The following RP1 variants were observed in gnomAD, a reference collection of about 807,000 sequenced individuals.
RP1 encodes the protein oxygen-regulated protein 1.
A neutral mutation model predicts 14.8 loss-of-function variants in RP1; 16 were observed. That is an observed-to-expected ratio of 1.08 (90% CI 0.73 to 1.65). The LOEUF is 1.65. RP1 is among the 40% of genes most tolerant of loss of function. The pLI is 0.00. For missense variants in RP1, 2,631 were observed against 2,535.0 expected (o/e 1.04, Z -0.81); for synonymous variants, 876 against 883.6 (o/e 0.99, Z 0.15).
At chr8:54,754,148 T>TG (rs1278567963) in intron 19 of RP1, among the ~76,000 whole-genome samples, 6 of 152,018 alleles carry the variant, frequency 3.9e-5, no homozygotes, top group African/African-American at 1.2e-4. Flanking sequence ...TTCACTGGGT[T>TG]GGGGGGAAGG....
intron 23 of RP1, chr8:54,780,970 T>G (rs1199233404): frequency 2.0e-6 from 2 of 982,994 alleles, no homozygotes; most frequent in Non-Finnish European, 2.4e-6. Flanking sequence ...ACTTCATTGT[T>G]GAGAAGAAAT....
chr8:54,718,114 T>A (rs1035178751), intron 15 of RP1, among the ~76,000 whole-genome samples: 4 of 152,158 alleles, frequency 2.6e-5, no homozygotes, highest in Non-Finnish European at 5.9e-5. Flanking sequence ...TGTTTATATA[T>A]TGGAAGACTC....
At chr8:54,857,571 C>T (rs1812235066) in intron 27 of RP1, among the ~76,000 whole-genome samples, 1 of 151,914 alleles carries the variant, frequency 6.6e-6, no homozygotes, top group African/African-American at 2.4e-5. Flanking sequence ...GAGTTTATTA[C>T]ATGACTTGTA....
chr8:54,845,301 A>C (rs1452275380), intron 25 of RP1, among the ~76,000 whole-genome samples: 1 of 152,166 alleles, frequency 6.6e-6, no homozygotes, highest in African/African-American at 2.4e-5. Context: ...GATGATTCAT[A>C]CCTGATCAGT....
At chr8:54,563,716 A>T (rs1397747594) in intron 1 of RP1, among the ~76,000 whole-genome samples, 1 of 151,704 alleles carries the variant, frequency 6.6e-6, no homozygotes, top group South Asian at 2.1e-4. Flanking sequence ...TGACTAATTT[A>T]TTTTTTATTT....
intron 24 of RP1, among the ~76,000 whole-genome samples, chr8:54,791,597 T>G (rs964192487): frequency 6.6e-6 from 1 of 151,908 alleles, no homozygotes; most frequent in Non-Finnish European, 1.5e-5. Flanking sequence ...TAGGTGTGAG[T>G]TAAAAGTGTC....
chr8:54,855,959 ACACACACACACACC>A (rs1290363623), intron 26 of RP1, among the ~76,000 whole-genome samples: 38 of 122,670 alleles, frequency 3.1e-4, no homozygotes, highest in African/African-American at 8.8e-4. Context: ...ACACACACAC[ACACACACACACACC>A]CCCTATAACC....
chr8:54,577,299 AGCTGCC>A (rs1201887538), intron 1 of RP1, among the ~76,000 whole-genome samples: 26 of 152,316 alleles, frequency 1.7e-4, no homozygotes, highest in African/African-American at 5.5e-4. Context: ...TACAGGCGTG[AGCTGCC>A]GCACCTGGCT....
chr8:54,802,644 C>T (rs987428459), intron 24 of RP1, among the ~76,000 whole-genome samples: 1 of 152,168 alleles, frequency 6.6e-6, no homozygotes, highest in Non-Finnish European at 1.5e-5. Context: ...TGTCGTTCAG[C>T]AAGTATTTCT....
At position 54,812,270 on chromosome 8, in the gene RP1, A is replaced by G. The variant is rs149223402; in HGVS notation, c.3616-25180A>G. On this transcript the variant is annotated intron_variant, in intron 24 of 28. Coordinates refer to the RP1 transcript ENST00000637698. The stretch of plus-strand genomic sequence containing the variant: ...ATTCTTGTGCCTCAGCCTTCCGAGT[A>G]GCTGGCATTACAGGCATACGCCATC... Among the ~76,000 whole-genome samples the G allele has an allele frequency of 3.3e-3, 503 of 152,288 alleles. 2 individuals carry two copies. Among genetic ancestry groups the G allele is most frequent in the African/African-American group, 0.01 (436 of 41,564 alleles).
At position 54,715,261 on chromosome 8, in the gene RP1, T is replaced by G. The variant is rs561554118; in HGVS notation, c.2212-4868T>G. Reference sequence around the variant, plus strand: ...GATATTCTAACCTGGCTATGTCTAGTTGCTGTTTGCTGCAGATGTGTAGGA... The same window carrying G: ...GATATTCTAACCTGGCTATGTCTAGGTGCTGTTTGCTGCAGATGTGTAGGA... On this transcript the variant is annotated intron_variant, in intron 15 of 22. Coordinates refer to the RP1 transcript ENST00000636932. Among the ~76,000 whole-genome samples the G allele has an allele frequency of 3.9e-5, 6 of 152,356 alleles. No homozygotes were observed. The East Asian group carries it at 1.2e-3, about 29-fold the overall frequency.
At chr8:54,748,852 TG>T (rs1355003548) in intron 19 of RP1, among the ~76,000 whole-genome samples, 1 of 152,164 alleles carries the variant, frequency 6.6e-6, no homozygotes, top group Non-Finnish European at 1.5e-5. Flanking sequence ...TATTTTTTTT[TG>T]TTTTATAGAA....
intron 1 of RP1, among the ~76,000 whole-genome samples, chr8:54,577,955 T>TTTTA (rs1554516034): frequency 3.1e-4 from 47 of 151,944 alleles, no homozygotes; most frequent in Admixed American, 5.2e-4. Flanking sequence ...TTCTTTTTTT[T>TTTTA]TTATTATTAT....
intron 22 of RP1, among the ~76,000 whole-genome samples, chr8:54,768,663 G>A (rs1224380104): frequency 6.6e-6 from 1 of 152,176 alleles, no homozygotes; most frequent in Non-Finnish European, 1.5e-5. Context: ...TCACAACACT[G>A]CTATGAGGCA....
At chr8:54,869,783 C>A in intron 28 of RP1, 1 of 619,110 alleles carries the variant, frequency 1.6e-6, no homozygotes, top group Non-Finnish European at 2.3e-6. Context: ...TCCTTTCTAA[C>A]TAATGAGCCT....
At chr8:54,598,172 C>T (rs1336172610) in intron 1 of RP1, among the ~76,000 whole-genome samples, 1 of 151,948 alleles carries the variant, frequency 6.6e-6, no homozygotes, top group African/African-American at 2.4e-5. Context: ...TTAAGTCTGC[C>T]ATATTATTTT....
At chr8:54,617,564 T>C (rs1311137958) in intron 1 of RP1, among the ~76,000 whole-genome samples, 1 of 152,208 alleles carries the variant, frequency 6.6e-6, no homozygotes. Flanking sequence ...AGGTAAATGG[T>C]GTACCACCTC....
intron 24 of RP1, among the ~76,000 whole-genome samples, chr8:54,806,005 A>T (rs925016459): frequency 2.0e-5 from 3 of 151,632 alleles, no homozygotes; most frequent in Non-Finnish European, 1.5e-5. Context: ...TGGTGTTTTT[A>T]TTATTTTTAT....
intron 27 of RP1, among the ~76,000 whole-genome samples, chr8:54,864,140 C>T (rs1042199724): frequency 1.3e-5 from 2 of 152,106 alleles, no homozygotes; most frequent in Non-Finnish European, 2.9e-5. Flanking sequence ...ATTTGAGAGA[C>T]TGTAGATTCG....
Sources: allele counts gnomAD v4.1 joint callset (sites outside exome capture counted in the v4.1 genomes callset), GRCh38; gene constraint gnomAD v4.1.1; transcripts MANE v1.5; gene names NCBI Gene and HGNC (gene_info 2026-07-23, HGNC 2026-07-21).